Variants in MYO5B observed in about 807,000 individuals in gnomAD.
MYO5B encodes unconventional myosin-Vb.
MYO5B carries 143 observed loss-of-function variants against 229.3 expected under a neutral mutation model. That is an observed-to-expected ratio of 0.62 (90% CI 0.54 to 0.72). The LOEUF (loss-of-function observed/expected upper bound fraction) is 0.72, where lower values mean the gene tolerates loss of function less well. Ranked by LOEUF, MYO5B falls within the 30% of genes least tolerant of loss-of-function variation. The pLI, the probability that MYO5B is intolerant of heterozygous loss-of-function variation, is 0.00. For synonymous variants in MYO5B, 918 were observed against 885.2 expected, an observed-to-expected ratio of 1.04 and a Z score of -0.66; for missense variants, 2,321 against 2,331.0, an observed-to-expected ratio of 1.00 and a Z score of 0.09.
At chr18:49,936,061 C>A (rs1451092219) in intron 16 of MYO5B, among the ~76,000 whole-genome samples, 191 bp downstream of exon 16, 1 of 152,214 alleles carries the variant, frequency 6.6e-6, no homozygotes, top group South Asian at 2.1e-4. Flanking sequence ...TTAAGACCTC[C>A]TGGACAGCAG....
At chr18:49,861,400 T>C (rs1167924976) in intron 29 of MYO5B, among the ~76,000 whole-genome samples, 1 of 152,186 alleles carries the variant, frequency 6.6e-6, no homozygotes, top group African/African-American at 2.4e-5. Flanking sequence ...CGCACACCGC[T>C]TGTCAGACCA....
intron 1 of MYO5B, among the ~76,000 whole-genome samples, chr18:50,080,449 C>CT (rs34242103): frequency 1.3e-5 from 2 of 152,258 alleles, no homozygotes; most frequent in East Asian, 3.9e-4. Context: ...TTTCAATGCT[C>CT]TTGACATATG....
chr18:49,840,783 C>T (rs1271900869), intron 35 of MYO5B, among the ~76,000 whole-genome samples: 1 of 152,196 alleles, frequency 6.6e-6, no homozygotes, highest in African/African-American at 2.4e-5. Flanking sequence ...AAAGCTGGGC[C>T]TTACAGGTCC....
chr18:49,891,014 G>A (rs1195463467), intron 22 of MYO5B, among the ~76,000 whole-genome samples: 1 of 152,086 alleles, frequency 6.6e-6, no homozygotes, highest in African/African-American at 2.4e-5. Flanking sequence ...AAGTGCCTAG[G>A]ACAGAGTTGC....
In MYO5B at chr18:49,837,734, G is replaced by A. The variant is rs780999931; in HGVS notation, c.4921C>T (p.Arg1641Cys). 11 of 1,614,066 alleles carry A rather than the reference G, an allele frequency of 6.8e-6. No homozygotes were observed. Among genetic ancestry groups the A allele is most frequent in the Admixed American group, 6.7e-5 (4 of 60,000 alleles). The change falls in exon 37 of 40, where the codon CGC becomes TGC. Residue 1641 changes from arginine (R) to cysteine (C), a missense_variant. Arg to Cys is a radical substitution (Grantham distance 180). Coordinates refer to ENST00000285039, the MANE Select transcript of MYO5B (RefSeq NM_001080467.3). ...SGVKPTGYRKRSSSMADGDNS... is the reference protein window; with the variant it reads ...SGVKPTGYRKCSSSMADGDNS... ...TCCCCATCTGCCATGCTGGAGGAGC[G>A]CTTCCGGTAGCCGGTGGGCTTCACA...
Position 49,926,454 on chromosome 18 carries a change from T to C in MYO5B, c.2090+3058A>G, listed in dbSNP as rs923939702. On this transcript the variant is annotated intron_variant, in intron 17 of 39. Transcript: ENST00000285039. ...CTTCCACCTTCTGATATGAGCGAGT[T>C]GTTAGGACAGAGGGTCCCAGTGGGA... Among the ~76,000 whole-genome samples the C allele has an allele frequency of 2.0e-5, 3 of 152,292 alleles. No homozygotes were observed. The South Asian group carries it at 6.2e-4, about 32-fold the overall frequency.
intron 39 of MYO5B, among the ~76,000 whole-genome samples, chr18:49,832,095 G>A: frequency 6.6e-6 from 1 of 152,252 alleles, no homozygotes; most frequent in East Asian, 1.9e-4. Flanking sequence ...TAGTGTTTCT[G>A]TTTAGGATGA....
chr18:50,023,560 C>T (rs1469827839), intron 4 of MYO5B, among the ~76,000 whole-genome samples: 1 of 152,158 alleles, frequency 6.6e-6, no homozygotes, highest in South Asian at 2.1e-4. Flanking sequence ...ATTACGGAAG[C>T]CACATTTTGT....
At chr18:49,906,813 T>C (rs1313113722) in intron 18 of MYO5B, among the ~76,000 whole-genome samples, 183 bp from the exon 19 acceptor site, 1 of 152,174 alleles carries the variant, frequency 6.6e-6, no homozygotes, top group Non-Finnish European at 1.5e-5. Flanking sequence ...CGGGCCAGAC[T>C]CTAGAACATG....
intron 1 of MYO5B, among the ~76,000 whole-genome samples, chr18:50,070,565 A>G (rs1465883946): frequency 6.6e-6 from 1 of 152,092 alleles, no homozygotes; most frequent in Non-Finnish European, 1.5e-5. Context: ...CACGCAGGAT[A>G]GCCCTTGACA....
At chr18:49,922,992 T>C (rs1170838675) in intron 17 of MYO5B, among the ~76,000 whole-genome samples, 2 of 152,292 alleles carry the variant, frequency 1.3e-5, no homozygotes, top group East Asian at 3.9e-4. Flanking sequence ...GGGAAATGCA[T>C]TCTTTTAGCT....
At chr18:50,129,678 C>T (rs1873431422) in intron 1 of MYO5B, among the ~76,000 whole-genome samples, 1 of 152,086 alleles carries the variant, frequency 6.6e-6, no homozygotes. Context: ...ATAACTTGCC[C>T]GAGGTCCCTA....
chr18:50,134,014 G>A (rs1411369127), intron 1 of MYO5B, among the ~76,000 whole-genome samples: 1 of 152,162 alleles, frequency 6.6e-6, no homozygotes, highest in Non-Finnish European at 1.5e-5. Context: ...ATGGGAGTGA[G>A]ACAGATACAA....
At chr18:50,145,559 A>C (rs187359007) in intron 1 of MYO5B, among the ~76,000 whole-genome samples, 1 of 151,708 alleles carries the variant, frequency 6.6e-6, no homozygotes, top group Non-Finnish European at 1.5e-5. Flanking sequence ...GAGCATCCCC[A>C]AAAGCAAAGT....
At chr18:49,889,712 C>T (rs1218750571) in intron 22 of MYO5B, among the ~76,000 whole-genome samples, 1 of 152,204 alleles carries the variant, frequency 6.6e-6, no homozygotes, top group African/African-American at 2.4e-5. Context: ...TGAAATGGAA[C>T]ATGCCATCTG....
Position 50,077,168 on chromosome 18 carries a change from TAAAAAAA to T in MYO5B, c.28-21797_28-21791del, listed in dbSNP as rs71169476. Among the ~76,000 whole-genome samples the T allele has an allele frequency of 1.1e-4, 9 of 81,214 alleles. No homozygotes were observed. The East Asian group carries it at 1.9e-3, about 17-fold the overall frequency. 53.3% of individuals were successfully genotyped at this position (81,214 alleles called of 152,430 possible). On this transcript the variant is annotated intron_variant, in intron 1 of 39. Coordinates refer to ENST00000285039, the MANE Select transcript of MYO5B (RefSeq NM_001080467.3). The stretch of plus-strand genomic sequence containing the variant: ...TTAGGGTTAATTTATTGTGGCAAAG[TAAAAAAA>T]AAAAAAAAAAAAAAAAAAGACAACT...
chr18:50,013,295 A>C (rs1319309214), intron 4 of MYO5B, among the ~76,000 whole-genome samples: 1 of 152,202 alleles, frequency 6.6e-6, no homozygotes, highest in Non-Finnish European at 1.5e-5. Flanking sequence ...CCAGTCTTGG[A>C]GTGGTAACAT....
At chr18:50,124,224 C>A (rs948130047) in intron 1 of MYO5B, among the ~76,000 whole-genome samples, 1 of 152,226 alleles carries the variant, frequency 6.6e-6, no homozygotes, top group Non-Finnish European at 1.5e-5. Context: ...CAGAGAGGTT[C>A]TGGTAACTGA....
At chr18:50,105,152 C>T (rs2031731780) in intron 1 of MYO5B, among the ~76,000 whole-genome samples, 1 of 150,802 alleles carries the variant, frequency 6.6e-6, no homozygotes, top group African/African-American at 2.4e-5. Flanking sequence ...AGAAAAAAGA[C>T]CGGGACCAGT....
Sources: gnomAD v4.1 joint callset for allele counts (sites outside exome capture counted in the v4.1 genomes callset) on GRCh38, gnomAD v4.1.1 for gene constraint, MANE v1.5 for transcripts, NCBI Gene and HGNC (gene_info 2026-07-23, HGNC 2026-07-21) for gene names.